The following FAM124A variants were observed in gnomAD, a reference collection of about 807,000 sequenced individuals.
The protein encoded by FAM124A is family with sequence similarity 124 member A.
A neutral mutation model predicts 24.5 loss-of-function variants in FAM124A; 23 were observed. The observed-to-expected ratio is 0.94, with a 90% CI of 0.68 to 1.33. The LOEUF (loss-of-function observed/expected upper bound fraction) is 1.33. Ranked by LOEUF, FAM124A falls within the 40% of genes most tolerant of loss-of-function variation. FAM124A has a pLI of 0.00. For missense variants in FAM124A, 623 were observed against 722.8 expected, an observed-to-expected ratio of 0.86 and a Z score of 1.58; for synonymous variants, 287 against 314.7, an observed-to-expected ratio of 0.91 and a Z score of 0.93.
At chr13:51,242,596 G>T (rs944460201) in intron 2 of FAM124A, among the ~76,000 whole-genome samples, 3 of 152,084 alleles carry the variant, frequency 2.0e-5, no homozygotes, top group African/African-American at 7.2e-5. Flanking sequence ...TCCTTTGGTT[G>T]GTGTCCGGCT....
chr13:51,230,766 A>C (rs1806352404), intron 1 of FAM124A, among the ~76,000 whole-genome samples: 2 of 152,168 alleles, frequency 1.3e-5, no homozygotes, highest in South Asian at 4.1e-4. Context: ...TCCCGATCAC[A>C]GCTCACATCC....
At position 51,251,696 on chromosome 13, in the gene FAM124A, A is replaced by T. The variant is rs916964060; in HGVS notation, c.329A>T (p.Glu110Val). Residue 110 changes from glutamate (E) to valine (V), a missense_variant, in exon 3 of 4, where the codon GAG becomes GTG. Physicochemically the swap from Glu to Val is moderately radical, Grantham distance 121. Transcript: ENST00000322475. This position sits in a 1 kb window ranked among gnomAD's most constrained non-coding sequence, Gnocchi z 5.3. ...ALAVVLFLQE[E>V]YGEEQILQLH... ...GCTGTGGTGCTGTTCCTGCAGGAGG[A>T]GTACGGCGAAGAGCAGATCCTGCAG... 4.4e-6 allele frequency: 7 copies of T among 1,587,768 alleles called. No individual in the cohort carries two copies. The Admixed American group carries it at 5.3e-5, about 12-fold the overall frequency.
intron 3 of FAM124A, among the ~76,000 whole-genome samples, chr13:51,273,593 C>T (rs893469668): frequency 6.6e-6 from 1 of 151,944 alleles, no homozygotes; most frequent in Non-Finnish European, 1.5e-5. Context: ...TAACTTGAAT[C>T]CTTCAGGCTA....
chr13:51,271,798 T>G (rs771531247), intron 3 of FAM124A, among the ~76,000 whole-genome samples: 3 of 152,076 alleles, frequency 2.0e-5, no homozygotes, highest in African/African-American at 7.2e-5. Flanking sequence ...ACGGTGTGGG[T>G]GGCCAGAGTG....
At chr13:51,261,349 G>A (rs9535629) in intron 3 of FAM124A, among the ~76,000 whole-genome samples, 67,683 of 151,982 alleles carry the variant, frequency 0.45, 15,761 homozygotes, top group South Asian at 0.52. Flanking sequence ...CCGAGACCCT[G>A]AAGGAAATCG....
At chr13:51,255,936 T>C (rs769025677) in intron 3 of FAM124A, among the ~76,000 whole-genome samples, 2 of 152,246 alleles carry the variant, frequency 1.3e-5, no homozygotes, top group Non-Finnish European at 2.9e-5. Context: ...TTGCCTTTTT[T>C]ATTCCCAGCC....
At chr13:51,267,487 G>C (rs973786450) in intron 3 of FAM124A, among the ~76,000 whole-genome samples, 3 of 152,152 alleles carry the variant, frequency 2.0e-5, no homozygotes, top group African/African-American at 7.2e-5. Flanking sequence ...GCCTAGAACT[G>C]CAGGGTTGAA....
At chr13:51,227,232 A>ACAG (rs1467764751) in intron 1 of FAM124A, 1 of 152,198 alleles carries the variant, frequency 6.6e-6, no homozygotes, top group Non-Finnish European at 1.5e-5. Context: ...CTATTCTAAT[A>ACAG]ATTATATTTT....
At chr13:51,275,072 T>G (rs1025127245) in intron 3 of FAM124A, among the ~76,000 whole-genome samples, 1 of 151,968 alleles carries the variant, frequency 6.6e-6, no homozygotes, top group African/African-American at 2.4e-5. Flanking sequence ...TAGCAAAAAG[T>G]TTTTAAAATA....
In FAM124A at chr13:51,258,992, G is replaced by A. The variant is rs528190492; in HGVS notation, c.834+6791G>A. Among the ~76,000 whole-genome samples the A allele has an allele frequency of 2.6e-5, 4 of 152,158 alleles. No homozygotes were observed. The highest frequency in any genetic ancestry group is 5.9e-5 in the Non-Finnish European group (4 of 68,028). On this transcript the variant is annotated intron_variant, in intron 3 of 3. Coordinates refer to ENST00000322475, the MANE Select transcript of FAM124A (RefSeq NM_001242312.2). This position sits in a 1 kb window ranked among gnomAD's most constrained non-coding sequence, Gnocchi z 4.2. ...AATGGCCTGGGCAGGACGGGGCCGG[G>A]GCAGCCGTCAGGGTTCCGAGCTGCA...
chr13:51,256,192 A>G (rs1373281133), intron 3 of FAM124A, among the ~76,000 whole-genome samples: 1 of 152,234 alleles, frequency 6.6e-6, no homozygotes, highest in African/African-American at 2.4e-5. Flanking sequence ...GCACAGTCCA[A>G]GGACCCAAAG....
At chr13:51,259,675 T>C (rs1954713704) in intron 3 of FAM124A, among the ~76,000 whole-genome samples, 1 of 152,032 alleles carries the variant, frequency 6.6e-6, no homozygotes, top group Non-Finnish European at 1.5e-5. Context: ...CCCCAGCCCG[T>C]CCCCTTCACC....
rs960494825 is a variant in FAM124A at position 51,283,795 on chromosome 13, A to T, written c.*2539A>T. The T allele has an allele frequency of 6.7e-6, 1 of 149,036 alleles. No homozygotes were observed. The highest frequency in any genetic ancestry group is 1.5e-5 in the Non-Finnish European group (1 of 67,534). 9.2% of individuals were successfully genotyped at this position (149,036 alleles called of 1,614,324 possible). ...AAAAAAAAAAAAAAAAAAAAAAAAA[A>T]GGCTAATGGCCGAGGGCTGGCTCCT... On this transcript the variant is annotated 3_prime_UTR_variant, in exon 4 of 4. Coordinates refer to ENST00000322475, the MANE Select transcript of FAM124A (RefSeq NM_001242312.2).
At chr13:51,279,383 T>G (rs978538271) in intron 3 of FAM124A, among the ~76,000 whole-genome samples, 6 of 152,212 alleles carry the variant, frequency 3.9e-5, no homozygotes, top group African/African-American at 1.4e-4. Context: ...CCGAGAGCCC[T>G]TGTAGTAAAC....
At chr13:51,264,716 G>T (rs948856354) in intron 3 of FAM124A, among the ~76,000 whole-genome samples, 5 of 151,998 alleles carry the variant, frequency 3.3e-5, no homozygotes, top group African/African-American at 9.7e-5. Flanking sequence ...CTAGTTTATG[G>T]ATTTTATGGA....
At chr13:51,224,306 T>TA (rs1954294457) in intron 1 of FAM124A, among the ~76,000 whole-genome samples, 1 of 152,128 alleles carries the variant, frequency 6.6e-6, no homozygotes. Flanking sequence ...TCATCCCTAC[T>TA]AAAAAATATA....
chr13:51,273,890 A>G (rs1275443856), intron 3 of FAM124A, among the ~76,000 whole-genome samples: 1 of 152,220 alleles, frequency 6.6e-6, no homozygotes, highest in Non-Finnish European at 1.5e-5. Flanking sequence ...TTGTTAATAT[A>G]AAAATCAGTT....
chr13:51,244,990 T>G (rs998100780), intron 2 of FAM124A, among the ~76,000 whole-genome samples: 3 of 152,166 alleles, frequency 2.0e-5, no homozygotes, highest in African/African-American at 7.2e-5. Context: ...TACCCGAGGT[T>G]TGTTGTCTTC....
At chr13:51,270,910 A>T (rs1049402118) in intron 3 of FAM124A, among the ~76,000 whole-genome samples, 1 of 152,232 alleles carries the variant, frequency 6.6e-6, no homozygotes, top group Non-Finnish European at 1.5e-5. Flanking sequence ...TGCAAGAACA[A>T]ACTTATGTAA....
Sources: allele counts gnomAD v4.1 joint callset (sites outside exome capture counted in the v4.1 genomes callset), GRCh38; gene constraint gnomAD v4.1.1; non-coding constraint Gnocchi (gnomAD v3.1); transcripts MANE v1.5; gene names NCBI Gene and HGNC (gene_info 2026-07-23, HGNC 2026-07-21).